LRP1B: variants seen among roughly 807,000 people sequenced by gnomAD.
LRP1B encodes low-density lipoprotein receptor-related protein 1B.
Under a neutral mutation model 556.6 loss-of-function variants are expected in LRP1B, and 217 were observed. The ratio of observed to expected loss-of-function variants is 0.39; its 90% CI spans 0.35 to 0.44. The LOEUF is 0.44. Among genes scored for constraint, LRP1B ranks in the 20% least tolerant of loss-of-function variants. The pLI is 1.00. For synonymous variants in LRP1B, 2,047 were observed against 1,865.8 expected, an observed-to-expected ratio of 1.10 and a Z score of -2.50; for missense variants, 5,053 against 5,620.8, an observed-to-expected ratio of 0.90 and a Z score of 3.23.
chr2:141,368,670 A>G (rs1188402967), intron 3 of LRP1B, among the ~76,000 whole-genome samples: 2 of 152,190 alleles, frequency 1.3e-5, no homozygotes, highest in Non-Finnish European at 1.5e-5. Context: ...GCTGTTAGTT[A>G]CTGAAATGAT....
intron 3 of LRP1B, among the ~76,000 whole-genome samples, chr2:141,321,385 G>C (rs1038732192): frequency 6.6e-6 from 1 of 152,064 alleles, no homozygotes; most frequent in Non-Finnish European, 1.5e-5. Flanking sequence ...ACATTTTATA[G>C]TTTTGAATTT....
At chr2:141,802,620 G>A (rs538473247) in intron 2 of LRP1B, among the ~76,000 whole-genome samples, 5 of 151,968 alleles carry the variant, frequency 3.3e-5, no homozygotes, top group African/African-American at 1.2e-4. Context: ...ATGGGGAGAG[G>A]GAGAGAGAAA....
At position 140,834,526 on chromosome 2, in the gene LRP1B, C is replaced by T. The variant is rs545805598; in HGVS notation, c.5209+5465G>A. On this transcript the variant is annotated intron_variant, in intron 31 of 90. Transcript: ENST00000389484. Reference sequence around the variant, plus strand: ...GTGCTGGGATTACAAGCGTGAGCCCCCGCGCCTGGCCATAAATCTAAATTA... The same window carrying T: ...GTGCTGGGATTACAAGCGTGAGCCCTCGCGCCTGGCCATAAATCTAAATTA... Among the ~76,000 whole-genome samples the T allele has an allele frequency of 6.6e-5, 10 of 152,296 alleles. No individual in the cohort carries two copies. In the South Asian group the frequency reaches 1.7e-3, roughly 25 times the overall value.
At chr2:141,627,680 C>T (rs1214578730) in intron 2 of LRP1B, among the ~76,000 whole-genome samples, 1 of 152,198 alleles carries the variant, frequency 6.6e-6, no homozygotes, top group East Asian at 1.9e-4. Context: ...ACCCCTGGTC[C>T]ATGGAAACAC....
Position 140,339,104 on chromosome 2 carries a change from C to T in LRP1B, c.11893-3266G>A, listed in dbSNP as rs1277847452. ...AGCCAGTTTTGAGACCTGAGGCATC[C>T]TTCTTTGTAGGAATGCATTAGTCAA... On this transcript the variant is annotated intron_variant, in intron 77 of 90. Transcript: ENST00000389484. Among the ~76,000 whole-genome samples the T allele has an allele frequency of 2.0e-5, 3 of 151,746 alleles. No individual in the cohort carries two copies. The Admixed American group carries it at 2.0e-4, about 10-fold the overall frequency.
chr2:141,317,330 G>A (rs914198681), intron 3 of LRP1B, among the ~76,000 whole-genome samples: 6 of 152,126 alleles, frequency 3.9e-5, no homozygotes, highest in Non-Finnish European at 1.5e-5. Context: ...CAATGTGTCC[G>A]CTGGGTTGGC....
chr2:140,998,928 C>A (rs959470603), intron 15 of LRP1B, among the ~76,000 whole-genome samples: 5 of 152,080 alleles, frequency 3.3e-5, no homozygotes, highest in African/African-American at 1.2e-4. Flanking sequence ...TGACTATAAT[C>A]TAGACTGAAC....
At chr2:140,639,426 C>T (rs868093844) in intron 41 of LRP1B, among the ~76,000 whole-genome samples, 2 of 152,298 alleles carry the variant, frequency 1.3e-5, no homozygotes, top group Middle Eastern at 3.4e-3. Context: ...TTGCTCCAGA[C>T]CTTCAGCTAT....
At chr2:140,314,736 TAATTGTTAAATTTTTG>T (rs1212200137) in intron 83 of LRP1B, among the ~76,000 whole-genome samples, 183 bp downstream of exon 83, 1 of 152,074 alleles carries the variant, frequency 6.6e-6, no homozygotes, top group Non-Finnish European at 1.5e-5. Context: ...CAACCCAGAG[TAATTGTTAAATTTTTG>T]GCTTGAACTT....
chr2:140,421,499 C>T (rs1232961725), intron 66 of LRP1B, among the ~76,000 whole-genome samples: 1 of 151,986 alleles, frequency 6.6e-6, no homozygotes, highest in Non-Finnish European at 1.5e-5. Flanking sequence ...CCTTTCCTGA[C>T]AAGAAATGCA....
intron 25 of LRP1B, among the ~76,000 whole-genome samples, chr2:140,873,675 T>G (rs974290729): frequency 6.6e-6 from 1 of 151,976 alleles, no homozygotes; most frequent in Non-Finnish European, 1.5e-5. Context: ...AATAATTAGG[T>G]AAATGTAATG....
intron 2 of LRP1B, among the ~76,000 whole-genome samples, chr2:141,771,841 G>A (rs545117271): frequency 3.5e-4 from 53 of 152,158 alleles, no homozygotes; most frequent in African/African-American, 1.2e-3. Flanking sequence ...TTTTTGCGAT[G>A]AAGTTTTGCT....
At chr2:140,849,840 G>T (rs570718128) in intron 29 of LRP1B, among the ~76,000 whole-genome samples, 2 of 151,942 alleles carry the variant, frequency 1.3e-5, no homozygotes, top group African/African-American at 4.8e-5. Flanking sequence ...GTGCCCAGCC[G>T]AGAAATCTAA....
intron 1 of LRP1B, among the ~76,000 whole-genome samples, chr2:141,940,144 G>A (rs1363186741): frequency 6.6e-6 from 1 of 152,036 alleles, no homozygotes; most frequent in African/African-American, 2.4e-5. Flanking sequence ...CAGAGTAAGA[G>A]AAGATACTTA....
At chr2:140,522,395 C>A (rs1690219482) in intron 49 of LRP1B, among the ~76,000 whole-genome samples, 1 of 151,796 alleles carries the variant, frequency 6.6e-6, no homozygotes, top group African/African-American at 2.4e-5. Flanking sequence ...AGAGACACAA[C>A]ATACCAAAAT....
At chr2:141,367,392 C>T (rs1174506943) in intron 3 of LRP1B, among the ~76,000 whole-genome samples, 1 of 148,540 alleles carries the variant, frequency 6.7e-6, no homozygotes, top group African/African-American at 2.5e-5. Context: ...TTGAAATAGT[C>T]AGATTTCCTA....
At chr2:141,165,125 C>T (rs1475754259) in intron 7 of LRP1B, among the ~76,000 whole-genome samples, 1 of 151,972 alleles carries the variant, frequency 6.6e-6, no homozygotes, top group Non-Finnish European at 1.5e-5. Context: ...GTGAAATGAA[C>T]ATAAACACCT....
chr2:140,950,510 GT>G, intron 19 of LRP1B, 108 bp from the exon 20 acceptor site: 5 of 864,514 alleles, frequency 5.8e-6, no homozygotes, highest in Non-Finnish European at 8.7e-6. Flanking sequence ...TTGAGACAGA[GT>G]CTTGCTCTGT....
At chr2:140,812,957 T>C (rs900263877) in intron 32 of LRP1B, among the ~76,000 whole-genome samples, 1 of 152,140 alleles carries the variant, frequency 6.6e-6, no homozygotes, top group African/African-American at 2.4e-5. Flanking sequence ...TTCTTTTTTA[T>C]GCAACCACTC....
Sources: allele counts gnomAD v4.1 joint callset (sites outside exome capture counted in the v4.1 genomes callset), GRCh38; gene constraint gnomAD v4.1.1; transcripts MANE v1.5; gene names NCBI Gene and HGNC (gene_info 2026-07-23, HGNC 2026-07-21).